EYA1: variants seen among roughly 807,000 people sequenced by gnomAD.
EYA1 encodes EYA transcriptional coactivator and phosphatase 1.
In EYA1, 16 loss-of-function variants were observed where a neutral mutation model predicts 82.0. That is an observed-to-expected ratio of 0.20 (90% CI 0.13 to 0.30). EYA1 has a LOEUF of 0.30. EYA1 is among the 10% of genes least tolerant of loss of function. The pLI, the probability that EYA1 is intolerant of heterozygous loss-of-function variation, is 1.00. For synonymous variants in EYA1, 261 were observed against 264.4 expected (o/e 0.99, Z 0.12); for missense variants, 633 against 730.7 (o/e 0.87, Z 1.54).
chr8:71,363,879 TAA>T (rs1256187175), upstream of EYA1, among the ~76,000 whole-genome samples: 1 of 151,900 alleles, frequency 6.6e-6, no homozygotes, highest in African/African-American at 2.4e-5. Flanking sequence ...ATTTTAGACA[TAA>T]GAGAGTAAGA....
At chr8:71,503,742 T>A (rs1053430198) in intron 2 of EYA1, among the ~76,000 whole-genome samples, 2 of 152,216 alleles carry the variant, frequency 1.3e-5, no homozygotes, top group Non-Finnish European at 2.9e-5. Flanking sequence ...TTAATCCTTA[T>A]AAACTACTAC....
At chr8:71,494,080 T>C (rs1389186298) in intron 2 of EYA1, among the ~76,000 whole-genome samples, 1 of 149,368 alleles carries the variant, frequency 6.7e-6, no homozygotes, top group Admixed American at 6.7e-5. Context: ...TTAGATTAGA[T>C]TAATTATAAG....
At chr8:71,462,385 G>A (rs916110730) in intron 2 of EYA1, among the ~76,000 whole-genome samples, 2 of 152,170 alleles carry the variant, frequency 1.3e-5, no homozygotes, top group African/African-American at 4.8e-5. Context: ...ATCGGAGTGG[G>A]TGCCAGGAAG....
intron 11 of EYA1, among the ~76,000 whole-genome samples, chr8:71,268,143 T>C (rs1435038246): frequency 1.3e-5 from 2 of 152,186 alleles, no homozygotes; most frequent in Non-Finnish European, 2.9e-5. Flanking sequence ...TAAGCTGGTC[T>C]CTTTCATTGG....
At chr8:71,529,039 C>T (rs992594240) in intron 2 of EYA1, among the ~76,000 whole-genome samples, 3 of 152,088 alleles carry the variant, frequency 2.0e-5, no homozygotes, top group African/African-American at 4.8e-5. Context: ...TCCTGGGGAC[C>T]CAGCAATATA....
At chr8:71,448,548 G>A (rs922667416) in intron 2 of EYA1, among the ~76,000 whole-genome samples, 2 of 152,134 alleles carry the variant, frequency 1.3e-5, no homozygotes, top group South Asian at 4.1e-4. Context: ...CCAAACTCCT[G>A]TTAATGTTTA....
At chr8:71,441,091 TC>T (rs1806401784) in intron 2 of EYA1, among the ~76,000 whole-genome samples, 1 of 151,944 alleles carries the variant, frequency 6.6e-6, no homozygotes, top group Admixed American at 6.6e-5. Flanking sequence ...ACAAAGGCAA[TC>T]CCAAGGTTTA....
chr8:71,528,138 A>C (rs965255619), intron 2 of EYA1, among the ~76,000 whole-genome samples: 2 of 152,188 alleles, frequency 1.3e-5, no homozygotes, highest in African/African-American at 4.8e-5. Context: ...TAAGAGTGCC[A>C]GATCAGAGGC....
At chr8:71,430,993 T>C (rs745307894) in intron 2 of EYA1, among the ~76,000 whole-genome samples, 1 of 151,988 alleles carries the variant, frequency 6.6e-6, no homozygotes, top group Admixed American at 6.6e-5. Flanking sequence ...AGAGTCAAGG[T>C]AGACACCCAA....
At chr8:71,292,983 A>T (rs1043477771) in intron 9 of EYA1, among the ~76,000 whole-genome samples, 3 of 152,134 alleles carry the variant, frequency 2.0e-5, no homozygotes, top group African/African-American at 7.2e-5. Context: ...ACAGGAAAAC[A>T]ACAGAGAAAA....
chr8:71,342,164 C>T (rs1825208955), intron 3 of EYA1, among the ~76,000 whole-genome samples: 1 of 152,138 alleles, frequency 6.6e-6, no homozygotes, highest in Non-Finnish European at 1.5e-5. Flanking sequence ...CAGACTAACA[C>T]CTAAAACACT....
At chr8:71,231,688 A>G (rs533206916) in intron 12 of EYA1, among the ~76,000 whole-genome samples, 6 of 152,340 alleles carry the variant, frequency 3.9e-5, no homozygotes, top group African/African-American at 1.4e-4. Context: ...TAGTGTCCAG[A>G]ATAGAGTGAG....
intron 2 of EYA1, chr8:71,404,647 G>C (rs544500097): frequency 6.6e-6 from 1 of 152,178 alleles, no homozygotes; most frequent in African/African-American, 2.4e-5. Context: ...GGCCTGGGGC[G>C]GTGGCTCATG....
intron 2 of EYA1, among the ~76,000 whole-genome samples, chr8:71,453,275 A>C (rs943068167): frequency 6.6e-6 from 1 of 152,226 alleles, no homozygotes; most frequent in African/African-American, 2.4e-5. Flanking sequence ...CTATGTGAAA[A>C]CACCAACTCT....
chr8:71,446,986 A>G (rs1235179547), intron 2 of EYA1, among the ~76,000 whole-genome samples: 1 of 152,006 alleles, frequency 6.6e-6, no homozygotes, highest in African/African-American at 2.4e-5. Context: ...AGCAACCACT[A>G]TATGTCCAGC....
intron 2 of EYA1, among the ~76,000 whole-genome samples, chr8:71,457,927 G>A (rs1173691099): frequency 1.3e-5 from 2 of 152,126 alleles, no homozygotes; most frequent in Non-Finnish European, 2.9e-5. Flanking sequence ...TTTATGTTAA[G>A]TTATGGACTT....
In EYA1 at chr8:71,535,767, G is replaced by T. The variant is rs917492229; in HGVS notation, c.10C>A (p.Pro4Thr). 2.6e-6 allele frequency: 4 copies of T among 1,519,114 alleles called. No homozygotes were observed. In the African/African-American group the frequency reaches 4.2e-5, roughly 16 times the overall value. The allele number at this position is 1,519,114 out of a possible 1,614,324, so 94.1% of individuals were successfully genotyped here. Residue 4 changes from proline (P) to threonine (T), a missense_variant, in exon 2 of 19, where the codon CCC becomes ACC. Pro to Thr is a conservative substitution (Grantham distance 38). Transcript: ENST00000643681. The stretch of plus-strand genomic sequence containing the variant: ...ACAGACTGTCCATTTATCCCCCGGG[G>T]GTCTTCCATTGAAGACTTCTTCTGA...
chr8:71,392,278 G>A (rs556735209), intron 2 of EYA1, among the ~76,000 whole-genome samples: 1 of 152,250 alleles, frequency 6.6e-6, no homozygotes, highest in East Asian at 1.9e-4. Context: ...CCTTTGGCTT[G>A]CATTGGCTCT....
intron 2 of EYA1, among the ~76,000 whole-genome samples, chr8:71,378,968 G>A (rs1828536902): frequency 1.3e-5 from 2 of 152,146 alleles, no homozygotes; most frequent in African/African-American, 2.4e-5. Context: ...GCTTCGGAAT[G>A]AACATGTGTT....
Sources: gnomAD v4.1 joint callset for allele counts (sites outside exome capture counted in the v4.1 genomes callset) on GRCh38, gnomAD v4.1.1 for gene constraint, MANE v1.5 for transcripts, NCBI Gene and HGNC (gene_info 2026-07-23, HGNC 2026-07-21) for gene names.